The following SCG3 variants were observed in gnomAD, a reference collection of about 807,000 sequenced individuals.
The protein encoded by SCG3 is secretogranin-3.
SCG3 carries 38 observed loss-of-function variants against 56.2 expected under a neutral mutation model. That is an observed-to-expected ratio of 0.68 (90% CI 0.52 to 0.89). The LOEUF (loss-of-function observed/expected upper bound fraction) is 0.89, where lower values mean the gene tolerates loss of function less well. Ranked by LOEUF, SCG3 falls within the 40% of genes least tolerant of loss-of-function variation. The pLI is 0.00. For synonymous variants in SCG3, 176 were observed against 184.2 expected, an observed-to-expected ratio of 0.96 and a Z score of 0.36; for missense variants, 524 against 540.7, an observed-to-expected ratio of 0.97 and a Z score of 0.31.
At chr15:51,686,326 A>C (rs899455414) in intron 4 of SCG3, among the ~76,000 whole-genome samples, 4 of 152,224 alleles carry the variant, frequency 2.6e-5, no homozygotes, top group African/African-American at 7.2e-5. Context: ...GGGGAGACCT[A>C]AGTTCCTGGC....
At chr15:51,699,876 C>T (rs149485874) in intron 9 of SCG3, among the ~76,000 whole-genome samples, 84 of 152,194 alleles carry the variant, frequency 5.5e-4, no homozygotes, top group Middle Eastern at 6.8e-3. Context: ...CTCTTGGTTT[C>T]GTCAGTTCCA....
intron 8 of SCG3, among the ~76,000 whole-genome samples, chr15:51,697,207 C>T (rs1193553982): frequency 6.9e-6 from 1 of 144,846 alleles, no homozygotes; most frequent in African/African-American, 2.8e-5. Context: ...AAAATAAGCT[C>T]ATATTACACA....
chr15:51,718,925 C>A (rs2055477349), intron 11 of SCG3, among the ~76,000 whole-genome samples: 1 of 152,180 alleles, frequency 6.6e-6, no homozygotes, highest in Admixed American at 6.5e-5. Context: ...ACACCCGGTT[C>A]TGATCATAAC....
chr15:51,706,271 G>A (rs1376361973), intron 10 of SCG3, among the ~76,000 whole-genome samples: 1 of 152,168 alleles, frequency 6.6e-6, no homozygotes, highest in African/African-American at 2.4e-5. Flanking sequence ...CATGCCTAGC[G>A]CTGTGCTTAG....
chr15:51,689,223 C>G lies in SCG3; in HGVS notation c.545C>G (p.Thr182Arg). 1 of 1,613,300 alleles carries G rather than the reference C, an allele frequency of 6.2e-7. No individual in the cohort carries two copies. Among genetic ancestry groups the G allele is most frequent in the Non-Finnish European group, 8.5e-7 (1 of 1,179,594 alleles). ...VSKLLNLGLITESQAHTLEDE... is the reference protein window; with the variant it reads ...VSKLLNLGLIRESQAHTLEDE... ...TGTTTTGCCTTTTTATGATAGATCA[C>G]AGAAAGCCAAGCACATACACTGGAA... is the stretch of plus-strand genomic sequence containing the variant. Residue 182 changes from threonine (T) to arginine (R), a missense_variant, in exon 6 of 12, where the codon ACA becomes AGA. Transcript: ENST00000220478.
In SCG3 at chr15:51,689,294, A is replaced by G. The variant is rs779900108; in HGVS notation, c.616A>G (p.Asn206Asp). 1.7e-5 allele frequency: 27 copies of G among 1,613,976 alleles called. No individual in the cohort carries two copies. Residue 206 changes from asparagine (N) to aspartate (D), a missense_variant, in exon 6 of 12, where the codon AAC (asparagine) becomes GAC (aspartate). Transcript: ENST00000220478. ...ACAAAAATTAATCTCAAAGGAAGCC[A>G]ACAATTATGAGGAGGATCCCAATAA... ...VLQKLISKEA[N>D]NYEEDPNKPT...
At chr15:51,714,351 G>T (rs2055440032) in intron 11 of SCG3, among the ~76,000 whole-genome samples, 1 of 152,172 alleles carries the variant, frequency 6.6e-6, no homozygotes, top group African/African-American at 2.4e-5. Context: ...TAAGACCCCA[G>T]AAGGCAGCAG....
intron 8 of SCG3, 45 bp from the exon 9 acceptor site, chr15:51,699,274 A>C (rs1300805320): frequency 7.3e-7 from 1 of 1,379,050 alleles, no homozygotes; most frequent in Non-Finnish European, 1.0e-6. Flanking sequence ...ATTTGATGTC[A>C]TCTCTCAGGG....
chr15:51,689,385 A>G lies in SCG3; in HGVS notation c.690+17A>G, dbSNP rs1438429408. 1 of 1,595,734 alleles carries G rather than the reference A, an allele frequency of 6.3e-7. No homozygotes were observed. The highest frequency in any genetic ancestry group is 8.5e-7 in the Non-Finnish European group (1 of 1,171,646). ...GAGAAAGTGGTATGTATGTGTATAT[A>G]TGCATATGCATGGGGGTGTGTGTGT... On this transcript the variant is annotated intron_variant, in intron 6 of 11. Coordinates refer to ENST00000220478, the MANE Select transcript of SCG3 (RefSeq NM_013243.4).
chr15:51,690,085 C>T (rs1042291904), intron 6 of SCG3, among the ~76,000 whole-genome samples: 2 of 152,164 alleles, frequency 1.3e-5, no homozygotes, highest in African/African-American at 2.4e-5. Flanking sequence ...CCCAATCCCC[C>T]CACAAAGAAG....
Position 51,681,773 on chromosome 15 carries a change from C to G in SCG3, c.18C>G (p.Thr6=). MGFLG[T]GTWILVLVLP... The stretch of plus-strand genomic sequence containing the variant: ...GTGGAAGAATGGGGTTCCTCGGGAC[C>G]GGCACTTGGATTCTGGTGTTAGTGC... Residue 6 remains threonine (T), a synonymous_variant, in exon 1 of 12, where the codon ACC becomes ACG. Transcript: ENST00000220478. The G allele has an allele frequency of 6.2e-7, 1 of 1,614,074 alleles. No homozygotes were observed. The highest frequency in any genetic ancestry group is 2.2e-5 in the East Asian group (1 of 44,882).
rs2055194238 is a variant in SCG3, at chr15:51,681,593, CG to C, written c.-162del. Reference sequence around the variant, plus strand: ...GCCCCAACCCTGCTTATCCCTTGACCGTCGAGTGTCAGAGATCCTGCAGCCG... The same window carrying C: ...GCCCCAACCCTGCTTATCCCTTGACCTCGAGTGTCAGAGATCCTGCAGCCG... On this transcript the variant is annotated 5_prime_UTR_variant, in exon 1 of 12. Transcript: ENST00000220478. 2 of 624,060 alleles carry C rather than the reference CG, an allele frequency of 3.2e-6. No individual in the cohort carries two copies. Among genetic ancestry groups the C allele is most frequent in the South Asian group, 3.8e-5 (2 of 53,222 alleles). 38.7% of individuals were successfully genotyped at this position (624,060 alleles called of 1,614,324 possible).
chr15:51,689,412 T>TGTGTGG, intron 6 of SCG3, 44 bp downstream of exon 6: 1 of 1,518,946 alleles, frequency 6.6e-7, no homozygotes, highest in Non-Finnish European at 9.0e-7. Context: ...TGTGTGTGTG[T>TGTGTGG]GTGTGTGTGT....
Position 51,689,398 on chromosome 15 carries a change from G to GGT in SCG3, c.690+31_690+32insTG, listed in dbSNP as rs762618970. On this transcript the variant is annotated intron_variant, in intron 6 of 11. Transcript: ENST00000220478. ...GTATGTGTATATATGCATATGCATG[G>GGT]GGGTGTGTGTGTGTGTGTGTGTGTG... The GGT allele has an allele frequency of 7.7e-6, 7 of 904,088 alleles. No individual in the cohort carries two copies. In the African/African-American group the frequency reaches 1.7e-4, roughly 22 times the overall value. The allele number at this position is 904,088 out of a possible 1,614,324, so 56.0% of individuals were successfully genotyped here.
chr15:51,696,688 G>A (rs1429744696), intron 8 of SCG3, among the ~76,000 whole-genome samples: 1 of 152,210 alleles, frequency 6.6e-6, no homozygotes, highest in African/African-American at 2.4e-5. Context: ...AAGGTGAAGT[G>A]GGAGCAGGCA....
chr15:51,682,523 C>T lies in SCG3; in HGVS notation c.89C>T (p.Ser30Phe). 1 of 1,449,930 alleles carries T rather than the reference C, an allele frequency of 6.9e-7. No individual in the cohort carries two copies. Among genetic ancestry groups the T allele is most frequent in the Non-Finnish European group, 9.3e-7 (1 of 1,076,614 alleles). The allele number at this position is 1,449,930 out of a possible 1,614,324, so 89.8% of individuals were successfully genotyped here. A position where few individuals can be genotyped will look rare whatever the true frequency, so the allele number is the denominator to read the frequency against. Residue 30 changes from serine to phenylalanine, a missense_variant, in exon 2 of 12, where the codon TCT becomes TTT. Physicochemically the swap from Ser to Phe is radical, Grantham distance 155. Coordinates refer to ENST00000220478, the MANE Select transcript of SCG3 (RefSeq NM_013243.4). ...TCACATGTGTTTATTCTAGACAAATCTCTACATAATAGAGAATTAAGTGCA... is the reference window on the plus strand; with the variant it reads ...TCACATGTGTTTATTCTAGACAAATTTCTACATAATAGAGAATTAAGTGCA... ...FPKPGGSQDK[S>F]LHNRELSAER...
intron 5 of SCG3, 146 bp downstream of exon 5, chr15:51,688,548 C>T: frequency 1.5e-6 from 1 of 659,786 alleles, no homozygotes; most frequent in Non-Finnish European, 2.4e-6. Context: ...AAGCAAAGCA[C>T]CATTCTTTTT....
At chr15:51,709,069 A>G (rs1277518487) in intron 10 of SCG3, among the ~76,000 whole-genome samples, 1 of 152,158 alleles carries the variant, frequency 6.6e-6, no homozygotes, top group Non-Finnish European at 1.5e-5. Context: ...ATAAAGGAAA[A>G]CAGTTTAATT....
rs986497990 is a variant in SCG3, at chr15:51,681,843, T to C, written c.82+6T>C. The C allele has an allele frequency of 4.3e-6, 7 of 1,611,436 alleles. No individual in the cohort carries two copies. Among genetic ancestry groups the C allele is most frequent in the Non-Finnish European group, 5.1e-6 (6 of 1,177,632 alleles). On this transcript the variant is annotated splice_donor_region_variant and intron_variant, in intron 1 of 11. Coordinates refer to ENST00000220478, the MANE Select transcript of SCG3 (RefSeq NM_013243.4). ...CAAACCTGGAGGAAGCCAAGGTATG[T>C]GAACACTTTTCTTCTTCCTACCTTC...
Sources: allele counts gnomAD v4.1 joint callset (sites outside exome capture counted in the v4.1 genomes callset), GRCh38; gene constraint gnomAD v4.1.1; transcripts MANE v1.5; gene names NCBI Gene and HGNC (gene_info 2026-07-23, HGNC 2026-07-21).